Variants in ZFHX3 observed in about 807,000 individuals in gnomAD.
The protein encoded by ZFHX3 is zinc finger homeobox 3, also known as zinc finger homeobox protein 3.
Under a neutral mutation model 279.1 loss-of-function variants are expected in ZFHX3, and 42 were observed. The ratio of observed to expected loss-of-function variants is 0.15; its 90% CI spans 0.12 to 0.19. The LOEUF (loss-of-function observed/expected upper bound fraction) is 0.19, where lower values mean the gene tolerates loss of function less well. ZFHX3 is among the 10% of genes least tolerant of loss of function. The pLI, the probability that ZFHX3 is intolerant of heterozygous loss-of-function variation, is 1.00. For synonymous variants in ZFHX3, 2,293 were observed against 1,957.8 expected (o/e 1.17, Z -4.52); for missense variants, 4,981 against 4,754.0 (o/e 1.05, Z -1.40).
At chr16:73,354,098 A>G (rs2016294303) in intron 3 of ZFHX3, among the ~76,000 whole-genome samples, 1 of 152,228 alleles carries the variant, frequency 6.6e-6, no homozygotes, top group Non-Finnish European at 1.5e-5. Flanking sequence ...ATAAAAATAC[A>G]GGACACCCAG....
At position 73,476,304 on chromosome 16, in the gene ZFHX3, A is replaced by G. The variant is rs866591333; in HGVS notation, c.-1546-20046T>C. On this transcript the variant is annotated intron_variant, in intron 2 of 17. Coordinates refer to the ZFHX3 transcript ENST00000641206. ...TCGAGATTTTGATTAAATATATCCA[A>G]CTGGTGTTGAATAAAATATAACCAC... 2.6e-5 allele frequency among the ~76,000 whole-genome samples: 4 copies of G among 152,244 alleles called. No homozygotes were observed. In the South Asian group the frequency reaches 8.3e-4, roughly 32 times the overall value.
At chr16:73,424,845 T>C (rs902640774) in intron 3 of ZFHX3, among the ~76,000 whole-genome samples, 1 of 151,414 alleles carries the variant, frequency 6.6e-6, no homozygotes, top group Non-Finnish European at 1.5e-5. Flanking sequence ...TCTTTCACCA[T>C]CTTTTTTTGT....
At position 72,889,689 on chromosome 16, in the gene ZFHX3, C is replaced by A; in HGVS notation, c.3448+42G>T. On this transcript the variant is annotated intron_variant, in intron 4 of 9. Transcript: ENST00000268489. ...CTGGAGGTCTCAAGGAGGTGAACACCCAGGCCCAACCTGGGCCTCCCATGC... is the reference window on the plus strand; with the variant it reads ...CTGGAGGTCTCAAGGAGGTGAACACACAGGCCCAACCTGGGCCTCCCATGC... 1.9e-6 allele frequency: 3 copies of A among 1,592,658 alleles called. No homozygotes were observed. The South Asian group carries it at 3.4e-5, about 18-fold the overall frequency.
chr16:73,699,373 CAAA>C (rs2053226739), intron 1 of ZFHX3, among the ~76,000 whole-genome samples: 1 of 151,932 alleles, frequency 6.6e-6, no homozygotes, highest in African/African-American at 2.4e-5. Context: ...ACATATTTCC[CAAA>C]AATAAAAGAC....
At chr16:73,126,379 G>T (rs1305471981) in intron 7 of ZFHX3, among the ~76,000 whole-genome samples, 1 of 152,190 alleles carries the variant, frequency 6.6e-6, no homozygotes, top group East Asian at 1.9e-4. Flanking sequence ...ATGGAGGGAA[G>T]AGACAAGGGC....
chr16:73,494,144 T>G (rs1212974655), intron 2 of ZFHX3, among the ~76,000 whole-genome samples: 2 of 152,148 alleles, frequency 1.3e-5, no homozygotes, highest in African/African-American at 4.8e-5. Context: ...ACTTAAACTT[T>G]GTGTCTGATC....
intron 3 of ZFHX3, among the ~76,000 whole-genome samples, chr16:72,891,979 T>C (rs746072785): frequency 1.2e-4 from 18 of 152,216 alleles, no homozygotes; most frequent in Admixed American, 5.2e-4. Context: ...TGCAAGACAC[T>C]GACAAGCTAG....
At chr16:72,951,921 G>A (rs760676000) in intron 2 of ZFHX3, among the ~76,000 whole-genome samples, 9 of 152,182 alleles carry the variant, frequency 5.9e-5, no homozygotes, top group Non-Finnish European at 1.0e-4. Context: ...GTGGTGAGTG[G>A]CGCCTGGGTT....
chr16:73,675,320 G>T (rs2052943624), intron 2 of ZFHX3, among the ~76,000 whole-genome samples: 2 of 151,942 alleles, frequency 1.3e-5, no homozygotes, highest in Non-Finnish European at 2.9e-5. Flanking sequence ...TAATTAGAGA[G>T]CTCATTTCCC....
chr16:73,084,513 A>T (rs1288818729), intron 8 of ZFHX3, among the ~76,000 whole-genome samples: 1 of 142,866 alleles, frequency 7.0e-6, no homozygotes, highest in Non-Finnish European at 1.5e-5. Flanking sequence ...CCTAGGACTA[A>T]ATTTTTTTTT....
intron 1 of ZFHX3, among the ~76,000 whole-genome samples, chr16:73,047,478 G>A (rs1380882134): frequency 6.6e-6 from 1 of 152,178 alleles, no homozygotes; most frequent in African/African-American, 2.4e-5. Context: ...TATTCAGAAG[G>A]CAGGAACTAA....
At chr16:73,532,066 C>G (rs373607654) in intron 2 of ZFHX3, among the ~76,000 whole-genome samples, 1 of 151,742 alleles carries the variant, frequency 6.6e-6, no homozygotes. Context: ...CCAGCCTGGG[C>G]AACAGAGTGA....
chr16:73,021,075 T>C (rs1006039662), intron 1 of ZFHX3, among the ~76,000 whole-genome samples: 6 of 152,246 alleles, frequency 3.9e-5, no homozygotes, highest in Non-Finnish European at 7.3e-5. Flanking sequence ...ATTTTCCCGA[T>C]GTCCTCAGAC....
At chr16:73,737,540 A>G (rs1165197980) in intron 1 of ZFHX3, among the ~76,000 whole-genome samples, 3 of 152,232 alleles carry the variant, frequency 2.0e-5, no homozygotes, top group Non-Finnish European at 4.4e-5. Flanking sequence ...AACACCATGT[A>G]TAACGATTAA....
intron 4 of ZFHX3, chr16:73,294,154 T>C (rs1268547698): frequency 6.6e-6 from 1 of 152,218 alleles, no homozygotes; most frequent in African/African-American, 2.4e-5. Context: ...ATTGGATATA[T>C]ACAGTACTAT....
Position 72,794,862 on chromosome 16 carries a change from G to C in ZFHX3, c.7820C>G (p.Pro2607Arg). 1 of 1,614,008 alleles carries C rather than the reference G, an allele frequency of 6.2e-7. No individual in the cohort carries two copies. Among genetic ancestry groups the C allele is most frequent in the Non-Finnish European group, 8.5e-7 (1 of 1,180,030 alleles). Residue 2607 changes from proline (P) to arginine (R), a missense_variant, in exon 9 of 10, where the codon CCA becomes CGA. Pro to Arg is a moderately radical substitution (Grantham distance 103). Transcript: ENST00000268489. This position sits in a 1 kb window ranked among gnomAD's most constrained non-coding sequence, Gnocchi z 4.2. ...CTTGAGAGTGTTCATTGTGGAGGTT[G>C]GAGTTGAAGGAGAAGTGGCTGAGCT... ...PASSATSPST[P>R]TSTMNTLKRK...
intron 2 of ZFHX3, among the ~76,000 whole-genome samples, chr16:73,676,972 A>G (rs1418876783): frequency 6.6e-6 from 1 of 151,972 alleles, no homozygotes; most frequent in Non-Finnish European, 1.5e-5. Context: ...TAGAAGTAAA[A>G]GTTAAAGAAT....
At chr16:73,862,877 T>C (rs1035317274) in intron 1 of ZFHX3, among the ~76,000 whole-genome samples, 24 of 152,266 alleles carry the variant, frequency 1.6e-4, no homozygotes, top group African/African-American at 5.5e-4. Flanking sequence ...GAGTAAGTTA[T>C]CTCCAGAAGA....
chr16:73,810,440 G>A (rs1014863210), intron 1 of ZFHX3, among the ~76,000 whole-genome samples: 2 of 152,078 alleles, frequency 1.3e-5, no homozygotes, highest in Non-Finnish European at 2.9e-5. Flanking sequence ...ACCTCTAAGG[G>A]TTCTTAAATC....
Sources: allele counts gnomAD v4.1 joint callset (sites outside exome capture counted in the v4.1 genomes callset), GRCh38; gene constraint gnomAD v4.1.1; non-coding constraint Gnocchi (gnomAD v3.1); transcripts MANE v1.5; gene names NCBI Gene and HGNC (gene_info 2026-07-23, HGNC 2026-07-21).